Variants in GTPBP4 observed in about 807,000 individuals in gnomAD.
GTPBP4 encodes the protein GTP binding protein 4, also known as GTP-binding protein 4.
GTPBP4 carries 15 observed loss-of-function variants against 81.7 expected under a neutral mutation model. The ratio of observed to expected loss-of-function variants is 0.18; its 90% CI spans 0.12 to 0.28. GTPBP4 has a LOEUF of 0.28. GTPBP4 is among the 10% of genes least tolerant of loss of function. The pLI is 1.00. For missense variants in GTPBP4, 847 were observed against 793.8 expected (o/e 1.07, Z -0.81); for synonymous variants, 272 against 274.6 (o/e 0.99, Z 0.09).
chr10:992,614 C>T lies in GTPBP4; in HGVS notation c.174C>T (p.Tyr58=), dbSNP rs553159055. 45 of 1,606,108 alleles carry T rather than the reference C, an allele frequency of 2.8e-5. 1 individual carries two copies. In the South Asian group the frequency reaches 4.9e-4, roughly 17 times the overall value. ...MRKVKFTQQN[Y]HDRLSQILTD... ...AAGTCAAATTTACTCAACAGAATTA[C>T]CATGATAGACTTTCACAAATTCTAA... Residue 58 remains tyrosine (Y), a synonymous_variant, in exon 2 of 17, where the codon TAC becomes TAT. Coordinates refer to ENST00000360803, the MANE Select transcript of GTPBP4 (RefSeq NM_012341.3).
In GTPBP4 at chr10:1,019,475, C is replaced by A. The variant is rs768250133; in HGVS notation, c.*2248C>A. On this transcript the variant is annotated 3_prime_UTR_variant, in exon 17 of 17. Transcript: ENST00000360803. Reference sequence around the variant, plus strand: ...ATTGCCTCAATGGTGCGTCTGCCTGCACTGAGGGCATTACACATGGCTGAC... The same window carrying A: ...ATTGCCTCAATGGTGCGTCTGCCTGAACTGAGGGCATTACACATGGCTGAC... 3.7e-5 allele frequency: 57 copies of A among 1,526,512 alleles called. 1 individual carries two copies. The highest frequency in any genetic ancestry group is 4.9e-5 in the Non-Finnish European group (55 of 1,118,860). The allele number at this position is 1,526,512 out of a possible 1,614,324, so 94.6% of individuals were successfully genotyped here. A position where few individuals can be genotyped will look rare whatever the true frequency, so the allele number is the denominator to read the frequency against.
rs1831612945 is a variant in GTPBP4, at chr10:1,000,709, T to A, written c.687T>A (p.Pro229=). The part of the protein sequence containing the change: ...VVDTPGILDH[P]LEDRNTIEMQ... ...ACACTCCTGGGATCCTGGACCACCC[T>A]CTGGAGGATAGGAACACCATCGAGA... The change falls in exon 7 of 17, where the codon CCT becomes CCA. Residue 229 remains proline (P), a synonymous_variant. Coordinates refer to ENST00000360803, the MANE Select transcript of GTPBP4 (RefSeq NM_012341.3). 6.4e-7 allele frequency: 1 copy of A among 1,558,272 alleles called. No individual in the cohort carries two copies. The highest frequency in any genetic ancestry group is 8.7e-7 in the Non-Finnish European group (1 of 1,153,174).
intron 8 of GTPBP4, among the ~76,000 whole-genome samples, chr10:1,003,535 C>T (rs2132164334): frequency 6.6e-6 from 1 of 152,240 alleles, no homozygotes; most frequent in South Asian, 2.1e-4. Flanking sequence ...TTTATACTTT[C>T]TTCTAGAGTG....
At position 1,015,578 on chromosome 10, in the gene GTPBP4, C is replaced by CTCT. The variant is rs1831970439; in HGVS notation, c.1609-175_1609-174insTCT. 3.6e-5 allele frequency among the ~76,000 whole-genome samples: 5 copies of CTCT among 139,424 alleles called. 2 individuals carry two copies. The highest frequency in any genetic ancestry group is 1.5e-4 in the African/African-American group (5 of 34,428). The allele number at this position is 139,424 out of a possible 152,430, so 91.5% of individuals were successfully genotyped here. A position where few individuals can be genotyped will look rare whatever the true frequency, so the allele number is the denominator to read the frequency against. ...CTGGGAGCGGGGCTGGGGTCCTGAG[C>CTCT]GCTGAGCCTGGGAGCGGGGCTGGGG... On this transcript the variant is annotated intron_variant, in intron 15 of 16. Transcript: ENST00000360803.
rs147014834 is a variant in GTPBP4 at position 1,008,995 on chromosome 10, G to A, written c.1151G>A (p.Arg384His). ...TTCATCCCTGAAGGAGTGGTGGCTC[G>A]CAGGAAGAGGATGGAAACTGAGGAG... Reference protein sequence around the residue: ...PPFIPEGVVARRKRMETEESR... With the variant: ...PPFIPEGVVAHRKRMETEESR... Residue 384 changes from arginine (R) to histidine (H), a missense_variant, in exon 11 of 17, where the codon CGC becomes CAC. Arg to His is a conservative substitution (Grantham distance 29). Coordinates refer to ENST00000360803, the MANE Select transcript of GTPBP4 (RefSeq NM_012341.3). 3.7e-6 allele frequency: 6 copies of A among 1,613,076 alleles called. No homozygotes were observed. The highest frequency in any genetic ancestry group is 2.2e-5 in the East Asian group (1 of 44,872).
Position 1,019,585 on chromosome 10 carries a change from A to G in GTPBP4, c.*2358A>G. 6.2e-7 allele frequency: 1 copy of G among 1,614,020 alleles called. No homozygotes were observed. Among genetic ancestry groups the G allele is most frequent in the Non-Finnish European group, 8.5e-7 (1 of 1,179,986 alleles). ...TCATCCAGGTGAGGCCACCACCGGTACAGAAACCTCTCGGCAATGGTTCTT... is the reference window on the plus strand; with the variant it reads ...TCATCCAGGTGAGGCCACCACCGGTGCAGAAACCTCTCGGCAATGGTTCTT... On this transcript the variant is annotated 3_prime_UTR_variant, in exon 17 of 17. Transcript: ENST00000360803.
Position 1,017,887 on chromosome 10 carries a change from A to G in GTPBP4, c.*660A>G, listed in dbSNP as rs772747721. On this transcript the variant is annotated 3_prime_UTR_variant, in exon 17 of 17. Transcript: ENST00000360803. ...TTCTGTGGCCCGTCCCTGAAGTTAC[A>G]TGTTCAGTAAAACACAAAAACACCG... 3.3e-5 allele frequency: 5 copies of G among 152,202 alleles called. No individual in the cohort carries two copies. Among genetic ancestry groups the G allele is most frequent in the Non-Finnish European group, 7.3e-5 (5 of 68,042 alleles). The allele number at this position is 152,202 out of a possible 1,614,324, so 9.4% of individuals were successfully genotyped here.
rs1306089168 is a variant in GTPBP4 at position 1,009,516 on chromosome 10, C to T, written c.1192-13C>T. ...CAAAATGAAGCTGATGATAATTTCT[C>T]TTTCTATTGCAGGAACGAGATCTTG... On this transcript the variant is annotated splice_polypyrimidine_tract_variant and intron_variant, in intron 11 of 16. Coordinates refer to ENST00000360803, the MANE Select transcript of GTPBP4 (RefSeq NM_012341.3). 6.3e-7 allele frequency: 1 copy of T among 1,587,256 alleles called. No homozygotes were observed. The highest frequency in any genetic ancestry group is 1.1e-5 in the South Asian group (1 of 90,592).
chr10:995,889 C>A, intron 2 of GTPBP4, 40 bp from the exon 3 acceptor site: 2 of 1,193,582 alleles, frequency 1.7e-6, no homozygotes, highest in Non-Finnish European at 2.5e-6. Context: ...TGAAAAACTG[C>A]TGGCCCCAAG....
In GTPBP4 at chr10:995,936, A is replaced by T. The variant is rs757095974; in HGVS notation, c.227A>T (p.His76Leu). ...LTDFPKLDDI[H>L]PFYADLMNIL... ...TGCTTTTGTTTGTTACAGGATATTC[A>T]TCCGTTCTATGCTGATTTGATGAAT... Residue 76 changes from histidine to leucine, a missense_variant, in exon 3 of 17, where the codon CAT (histidine) becomes CTT (leucine). Transcript: ENST00000360803. The T allele has an allele frequency of 6.3e-7, 1 of 1,596,328 alleles. No individual in the cohort carries two copies. The highest frequency in any genetic ancestry group is 1.7e-5 in the Admixed American group (1 of 59,870).
chr10:1,003,436 T>C (rs7895834), intron 8 of GTPBP4, among the ~76,000 whole-genome samples: 267 of 152,342 alleles, frequency 1.8e-3, no homozygotes, highest in African/African-American at 6.1e-3. Flanking sequence ...AGAGTTAATA[T>C]TCCTTTCATG....
intron 2 of GTPBP4, among the ~76,000 whole-genome samples, chr10:994,436 T>C (rs1339724909): frequency 6.6e-6 from 1 of 151,902 alleles, no homozygotes; most frequent in Non-Finnish European, 1.5e-5. Flanking sequence ...ACCCGGCTAA[T>C]TTTTGTGTTT....
rs780638455 is a variant in GTPBP4 at position 998,986 on chromosome 10, G to A, written c.562-17G>A. 158 of 1,415,616 alleles carry A rather than the reference G, an allele frequency of 1.1e-4. No homozygotes were observed. The highest frequency in any genetic ancestry group is 1.4e-4 in the Non-Finnish European group (136 of 998,628). 87.7% of individuals were successfully genotyped at this position (1,415,616 alleles called of 1,614,324 possible). A position where few individuals can be genotyped will look rare whatever the true frequency, so the allele number is the denominator to read the frequency against. ...CAGAGGAAATGAGGTGATTCTGAAAGTTCTCACTTGTTCCAGGTGACGAGA... is the reference window on the plus strand; with the variant it reads ...CAGAGGAAATGAGGTGATTCTGAAAATTCTCACTTGTTCCAGGTGACGAGA... On this transcript the variant is annotated splice_polypyrimidine_tract_variant and intron_variant, in intron 5 of 16. Coordinates refer to ENST00000360803, the MANE Select transcript of GTPBP4 (RefSeq NM_012341.3).
chr10:1,011,618 C>T (rs1358037018), intron 13 of GTPBP4, among the ~76,000 whole-genome samples: 1 of 152,232 alleles, frequency 6.6e-6, no homozygotes, highest in Admixed American at 6.5e-5. Context: ...ACAGGCCCTC[C>T]GTCATTGAGT....
chr10:1,019,248 A>T lies in GTPBP4; in HGVS notation c.*2021A>T. 1 of 361,490 alleles carries T rather than the reference A, an allele frequency of 2.8e-6. No individual in the cohort carries two copies. The highest frequency in any genetic ancestry group is 5.1e-6 in the Non-Finnish European group (1 of 197,764). The allele number at this position is 361,490 out of a possible 1,614,324, so 22.4% of individuals were successfully genotyped here. On this transcript the variant is annotated 3_prime_UTR_variant, in exon 17 of 17. Transcript: ENST00000360803. ...AGACTTTCAGGATCAGCTGCTGTTA[A>T]TCAAACAAGTGCTTATAAAATGGAA... is the stretch of plus-strand genomic sequence containing the variant.
intron 8 of GTPBP4, among the ~76,000 whole-genome samples, chr10:1,004,200 C>T (rs536320526): frequency 6.6e-6 from 1 of 152,214 alleles, no homozygotes; most frequent in Admixed American, 6.5e-5. Context: ...TGGTGGGGCC[C>T]AGCAGTATCC....
chr10:1,019,449 C>T lies in GTPBP4; in HGVS notation c.*2222C>T, dbSNP rs1589035379. On this transcript the variant is annotated 3_prime_UTR_variant, in exon 17 of 17. Transcript: ENST00000360803. ...GCCCTGTTTTTTGGAGAGGGTGTAT[C>T]ATTGCCTCAATGGTGCGTCTGCCTG... The T allele has an allele frequency of 3.8e-6, 5 of 1,303,358 alleles. No individual in the cohort carries two copies. Among genetic ancestry groups the T allele is most frequent in the Non-Finnish European group, 5.3e-6 (5 of 944,096 alleles). The allele number at this position is 1,303,358 out of a possible 1,614,324, so 80.7% of individuals were successfully genotyped here.
At chr10:1,012,092 G>C (rs11253573) in intron 13 of GTPBP4, among the ~76,000 whole-genome samples, 4,824 of 152,318 alleles carry the variant, frequency 0.032, 112 homozygotes, top group Middle Eastern at 0.048. Context: ...CATTAGAACG[G>C]ACACGTGGGA....
intron 6 of GTPBP4, among the ~76,000 whole-genome samples, chr10:999,804 C>A (rs1407387438): frequency 6.6e-6 from 1 of 152,140 alleles, no homozygotes; most frequent in African/African-American, 2.4e-5. Context: ...ACTAAAAATA[C>A]AAAAATTAGC....
Sources: gnomAD v4.1 joint callset for allele counts (sites outside exome capture counted in the v4.1 genomes callset) on GRCh38, gnomAD v4.1.1 for gene constraint, MANE v1.5 for transcripts, NCBI Gene and HGNC (gene_info 2026-07-23, HGNC 2026-07-21) for gene names.